TESPA1: variants seen among roughly 807,000 people sequenced by gnomAD.
The protein encoded by TESPA1 is thymocyte expressed, positive selection associated 1.
In TESPA1, 33 loss-of-function variants were observed where a neutral mutation model predicts 57.9. The observed-to-expected ratio is 0.57, with a 90% CI of 0.43 to 0.76. The LOEUF (loss-of-function observed/expected upper bound fraction) is 0.76, where lower values mean the gene tolerates loss of function less well. TESPA1 is among the 30% of genes least tolerant of loss of function. TESPA1 has a pLI of 0.00. For missense variants in TESPA1, 618 were observed against 632.9 expected, an observed-to-expected ratio of 0.98 and a Z score of 0.25; for synonymous variants, 227 against 228.9, an observed-to-expected ratio of 0.99 and a Z score of 0.07.
In TESPA1 at chr12:54,979,971, G is replaced by A. The variant is rs533585345; in HGVS notation, c.-46+4614C>T. ...ACTTAATCCTGACAACCACTTTAGA[G>A]CTGATTATGGTTACCTGACCCTCAC... On this transcript the variant is annotated intron_variant, in intron 1 of 10. Transcript: ENST00000449076. Among the ~76,000 whole-genome samples, 3 of 152,224 alleles carry A rather than the reference G, an allele frequency of 2.0e-5. No homozygotes were observed. In the South Asian group the frequency reaches 6.2e-4, roughly 32 times the overall value.
At position 54,967,885 on chromosome 12, in the gene TESPA1, C is replaced by T. The variant is rs1262243069; in HGVS notation, c.214G>A (p.Glu72Lys). The T allele has an allele frequency of 1.9e-6, 3 of 1,613,666 alleles. No individual in the cohort carries two copies. ...EDWLQDCGYS[E>K]EGFSEEAGQF... is the part of the protein sequence containing the mutation. ...CCTGCTTCCTCAGAAAATCCTTCTT[C>T]AGAGTATCTAAACCAAAAACAGTCT... Residue 72 changes from glutamate to lysine, a missense_variant, in exon 4 of 11, where the codon GAA (glutamate) becomes AAA (lysine). By Grantham distance (56) the Glu-to-Lys change is moderately conservative (BLOSUM62 1). Coordinates refer to ENST00000449076, the MANE Select transcript of TESPA1 (RefSeq NM_001136030.3).
rs369124298 is a variant in TESPA1, at chr12:54,980,503, A to T, written c.-46+4082T>A. Among the ~76,000 whole-genome samples the T allele has an allele frequency of 4.6e-5, 7 of 152,302 alleles. No individual in the cohort carries two copies. The East Asian group carries it at 1.2e-3, about 25-fold the overall frequency. On this transcript the variant is annotated intron_variant, in intron 1 of 10. Transcript: ENST00000449076. ...GTTTGGGGCACCACAGAGCAATGAG[A>T]GCTGATACCATCACCGCCCTGTGGT... is the stretch of plus-strand genomic sequence containing the variant.
At chr12:54,978,049 C>A (rs934044422) in intron 1 of TESPA1, among the ~76,000 whole-genome samples, 1 of 150,924 alleles carries the variant, frequency 6.6e-6, no homozygotes, top group African/African-American at 2.4e-5. Flanking sequence ...CTGCAGGAAG[C>A]GGCAAATGAT....
rs144833213 is a variant in TESPA1 at position 54,962,362 on chromosome 12, C to T, written c.1467+69G>A. The T allele has an allele frequency of 4.9e-4, 747 of 1,534,344 alleles. 10 individuals carry two copies. In the East Asian group the frequency reaches 0.014, roughly 28 times the overall value. The stretch of plus-strand genomic sequence containing the variant: ...TTATTTTTCCCCCAAGGGTTCTAAC[C>T]CTTCATCTTCTGGGAAAGAATCTAC... On this transcript the variant is annotated intron_variant, in intron 9 of 10. Coordinates refer to ENST00000449076, the MANE Select transcript of TESPA1 (RefSeq NM_001136030.3).
Position 54,984,740 on chromosome 12 carries a change from T to C in TESPA1, c.-201A>G, listed in dbSNP as rs941362116. The C allele has an allele frequency of 6.6e-6, 1 of 152,320 alleles. No homozygotes were observed. Among genetic ancestry groups the C allele is most frequent in the Non-Finnish European group, 1.5e-5 (1 of 68,156 alleles). 9.4% of individuals were successfully genotyped at this position (152,320 alleles called of 1,614,324 possible). The stretch of plus-strand genomic sequence containing the variant: ...AACTCATTCAACTGCTGTTGCCTGC[T>C]CAAAAGGGGAAGCGGAAATGAGAAC... On this transcript the variant is annotated 5_prime_UTR_variant, in exon 1 of 11. Transcript: ENST00000449076.
intron 3 of TESPA1, among the ~76,000 whole-genome samples, chr12:54,972,560 C>T (rs1356269108): frequency 6.6e-6 from 1 of 152,112 alleles, no homozygotes; most frequent in Admixed American, 6.5e-5. Flanking sequence ...TCTGTGGGTC[C>T]TCTAATTGAC....
intron 1 of TESPA1, among the ~76,000 whole-genome samples, chr12:54,974,938 C>G (rs1212111763): frequency 1.3e-5 from 2 of 152,106 alleles, no homozygotes; most frequent in Non-Finnish European, 2.9e-5. Context: ...AACATTTTTT[C>G]TTTAATCCTT....
In TESPA1 at chr12:54,963,852, G is replaced by A; in HGVS notation, c.545C>T (p.Pro182Leu). 1 of 1,613,984 alleles carries A rather than the reference G, an allele frequency of 6.2e-7. No homozygotes were observed. The highest frequency in any genetic ancestry group is 8.5e-7 in the Non-Finnish European group (1 of 1,179,874). ...QEDHKDTSRI[P>L]ARFFTTPSQA... ...AGAGGGGGTGGTGAAAAATCGGGCG[G>A]GTATCCGAGAAGTGTCTTTGTGATC... is the stretch of plus-strand genomic sequence containing the variant. The change falls in exon 8 of 11, where the codon CCC becomes CTC. Residue 182 changes from proline (P) to leucine (L), a missense_variant. Physicochemically the swap from Pro to Leu is moderately conservative, Grantham distance 98. Around this residue, in one of 3 missense-constraint regions of TESPA1, gnomAD observed 409 missense variants for 420.1 expected, o/e 0.97. Transcript: ENST00000449076.
chr12:54,958,910 T>G (rs1475452818), intron 10 of TESPA1, among the ~76,000 whole-genome samples: 2 of 152,234 alleles, frequency 1.3e-5, no homozygotes. Flanking sequence ...GCGCACAGAC[T>G]ACTTTATCCA....
chr12:54,977,694 A>G lies in TESPA1; in HGVS notation c.-45-3087T>C, dbSNP rs73319743. 4.6e-3 allele frequency among the ~76,000 whole-genome samples: 698 copies of G among 152,360 alleles called. 6 individuals carry two copies. The highest frequency in any genetic ancestry group is 0.015 in the African/African-American group (642 of 41,598). On this transcript the variant is annotated intron_variant, in intron 1 of 10. Transcript: ENST00000449076. Reference sequence around the variant, plus strand: ...GTTAAGTGTTCACTGAGAATGACAGACATTTTCCTGGCAATTTGGGTGAGA... The same window carrying G: ...GTTAAGTGTTCACTGAGAATGACAGGCATTTTCCTGGCAATTTGGGTGAGA...
rs767210171 is a variant in TESPA1 at position 54,961,128 on chromosome 12, G to C, written c.*1+40C>G. ...AACCTTCCTCATTTGATTACAATGTGCAGCCAGGTTTGAGAACTGCCTGAG... is the reference window on the plus strand; with the variant it reads ...AACCTTCCTCATTTGATTACAATGTCCAGCCAGGTTTGAGAACTGCCTGAG... On this transcript the variant is annotated intron_variant, in intron 10 of 10. Coordinates refer to ENST00000449076, the MANE Select transcript of TESPA1 (RefSeq NM_001136030.3). The C allele has an allele frequency of 2.5e-6, 4 of 1,602,546 alleles. No individual in the cohort carries two copies. In the South Asian group the frequency reaches 4.4e-5, roughly 18 times the overall value.
intron 3 of TESPA1, among the ~76,000 whole-genome samples, chr12:54,971,171 G>C (rs1951808239): frequency 6.6e-6 from 1 of 152,220 alleles, no homozygotes. Context: ...AGGATGTTAG[G>C]CTTTGGAAAG....
In TESPA1 at chr12:54,948,858, T is replaced by C. The variant is rs1950221733; in HGVS notation, c.*1534A>G. 1 of 152,262 alleles carries C rather than the reference T, an allele frequency of 6.6e-6. No homozygotes were observed. Among genetic ancestry groups the C allele is most frequent in the African/African-American group, 2.4e-5 (1 of 41,472 alleles). The allele number at this position is 152,262 out of a possible 1,614,324, so 9.4% of individuals were successfully genotyped here. On this transcript the variant is annotated 3_prime_UTR_variant, in exon 11 of 11. Coordinates refer to ENST00000449076, the MANE Select transcript of TESPA1 (RefSeq NM_001136030.3). ...CCCTCAGCTTGACCAAATAGGTTTCTTCCTGACTTCAGGCCCTTGACCTCC... is the reference window on the plus strand; with the variant it reads ...CCCTCAGCTTGACCAAATAGGTTTCCTCCTGACTTCAGGCCCTTGACCTCC...
intron 10 of TESPA1, among the ~76,000 whole-genome samples, chr12:54,952,108 G>T (rs1360521157): frequency 6.6e-6 from 1 of 152,106 alleles, no homozygotes; most frequent in Non-Finnish European, 1.5e-5. Flanking sequence ...TCAGGGTGAG[G>T]CCCCATGATG....
chr12:54,950,948 A>AT (rs34091523), intron 10 of TESPA1, among the ~76,000 whole-genome samples: 16 of 146,376 alleles, frequency 1.1e-4, no homozygotes, highest in Admixed American at 3.4e-4. Flanking sequence ...ATTTTTTTCC[A>AT]TTTTTTTTTC....
In TESPA1 at chr12:54,963,762, T is replaced by A. The variant is rs748863415; in HGVS notation, c.635A>T (p.Asp212Val). Residue 212 changes from aspartate (D) to valine (V), a missense_variant, in exon 8 of 11, where the codon GAC becomes GTC. Physicochemically the swap from Asp to Val is radical, Grantham distance 152. This residue lies in a region of TESPA1 where 409 missense variants were observed against 420.1 expected (regional missense o/e 0.97). Transcript: ENST00000449076. ...KSQVRRIEMEDPCLMLASRFK... is the reference protein window; with the variant it reads ...KSQVRRIEMEVPCLMLASRFK... ...CTCACTGGCCAGCATGAGGCAGGGG[T>A]CTTCCATTTCAATCCTCCGCACCTG... 5 of 1,612,468 alleles carry A rather than the reference T, an allele frequency of 3.1e-6. No individual in the cohort carries two copies. The highest frequency in any genetic ancestry group is 4.2e-6 in the Non-Finnish European group (5 of 1,179,622).
intron 6 of TESPA1, 40 bp downstream of exon 6, chr12:54,966,348 A>C: frequency 1.2e-6 from 2 of 1,613,598 alleles, no homozygotes; most frequent in Non-Finnish European, 1.7e-6. Flanking sequence ...ACTGATTCTT[A>C]AAGGAGACAT....
intron 1 of TESPA1, among the ~76,000 whole-genome samples, chr12:54,975,250 C>T (rs1952084075): frequency 6.6e-6 from 1 of 152,012 alleles, no homozygotes; most frequent in African/African-American, 2.4e-5. Flanking sequence ...AGAGACACTG[C>T]CTTAAGCAAT....
rs557634281 is a variant in TESPA1 at position 54,948,938 on chromosome 12, C to T, written c.*1454G>A. ...TGTAGTTCTTTCTATTTCTTGAGAT[C>T]TAAATCTTCTTCCAGCCTCTTCCCA... On this transcript the variant is annotated 3_prime_UTR_variant, in exon 11 of 11. Transcript: ENST00000449076. 6.6e-6 allele frequency: 1 copy of T among 152,270 alleles called. No homozygotes were observed. The highest frequency in any genetic ancestry group is 2.4e-5 in the African/African-American group (1 of 41,552). The allele number at this position is 152,270 out of a possible 1,614,324, so 9.4% of individuals were successfully genotyped here. A position where few individuals can be genotyped will look rare whatever the true frequency, so the allele number is the denominator to read the frequency against.
Sources: allele counts gnomAD v4.1 joint callset (sites outside exome capture counted in the v4.1 genomes callset), GRCh38; gene constraint gnomAD v4.1.1; regional missense constraint gnomAD v4.1.1; transcripts MANE v1.5; gene names NCBI Gene and HGNC (gene_info 2026-07-23, HGNC 2026-07-21).